The following CSRNP1 variants were observed in gnomAD, a reference collection of about 807,000 sequenced individuals.
The protein encoded by CSRNP1 is cysteine and serine rich nuclear protein 1.
In CSRNP1, 8 loss-of-function variants were observed where a neutral mutation model predicts 25.0. The ratio of observed to expected loss-of-function variants is 0.32; its 90% CI spans 0.19 to 0.58. CSRNP1 has a LOEUF of 0.58. Ranked by LOEUF, CSRNP1 falls within the 20% of genes least tolerant of loss-of-function variation. The pLI is 0.88. For synonymous variants in CSRNP1, 305 were observed against 303.1 expected (o/e 1.01, Z -0.06); for missense variants, 691 against 773.1 (o/e 0.89, Z 1.26).
In CSRNP1 at chr3:39,144,438, C is replaced by G. The variant is rs1314960923; in HGVS notation, c.479G>C (p.Gly160Ala). Residue 160 changes from glycine to alanine, a missense_variant, in exon 4 of 5, where the codon GGG becomes GCG. By Grantham distance (60) the Gly-to-Ala change is moderately conservative. Coordinates refer to ENST00000273153, the MANE Select transcript of CSRNP1 (RefSeq NM_033027.4). ...CAGCCCTGCCTCTGCCTGGGGTACC[C>G]CAGCTGCCGAAAGCTGCATCCACAG... ...EMLQWKLSAA[G>A]VPQAEAGLPP... 1 of 1,604,560 alleles carries G rather than the reference C, an allele frequency of 6.2e-7. No homozygotes were observed. Among genetic ancestry groups the G allele is most frequent in the Non-Finnish European group, 8.5e-7 (1 of 1,174,672 alleles).
Position 39,153,494 on chromosome 3 carries a change from GC to G in CSRNP1, c.-98del. On this transcript the variant is annotated 5_prime_UTR_variant, in exon 1 of 5. Transcript: ENST00000273153. ...CGCGACCCGCGTCCCGGCCGGGGAC[GC>G]CCCCTGCGCCGCGACTCTGTGCGCT... 3.1e-5 allele frequency: 9 copies of G among 293,118 alleles called. No individual in the cohort carries two copies. The highest frequency in any genetic ancestry group is 6.9e-5 in the South Asian group (3 of 43,678). 18.2% of individuals were successfully genotyped at this position (293,118 alleles called of 1,614,324 possible). A position where few individuals can be genotyped will look rare whatever the true frequency, so the allele number is the denominator to read the frequency against.
At chr3:39,149,302 T>G (rs2039554743) in intron 1 of CSRNP1, 1 of 152,068 alleles carries the variant, frequency 6.6e-6, no homozygotes. Flanking sequence ...AAGGACACCC[T>G]GGAGAGAGTC....
rs752976972 is a variant in CSRNP1, at chr3:39,144,497, T to A, written c.466-46A>T. ...GATGTAAGAAGCACAGACATGGACA[T>A]GGGCTTAGCCCTACTGTCACTAGAC... is the stretch of plus-strand genomic sequence containing the variant. On this transcript the variant is annotated intron_variant, in intron 3 of 4. Transcript: ENST00000273153. 14 of 1,544,692 alleles carry A rather than the reference T, an allele frequency of 9.1e-6. No homozygotes were observed. In the Admixed American group the frequency reaches 2.1e-4, roughly 23 times the overall value.
chr3:39,147,710 G>T (rs1360520036), intron 1 of CSRNP1, among the ~76,000 whole-genome samples: 1 of 152,012 alleles, frequency 6.6e-6, no homozygotes, highest in Non-Finnish European at 1.5e-5. Context: ...CAGCTGGCTG[G>T]CCTTATCCAA....
chr3:39,153,460 GGACAAC>G lies in CSRNP1; in HGVS notation c.-69_-64del, dbSNP rs2039612592. On this transcript the variant is annotated 5_prime_UTR_variant, in exon 1 of 5. Transcript: ENST00000273153. ...CACCTGCAATCCGGACGCTCGCGGA[GGACAAC>G]GACGCGACCCGCGTCCCGGCCGGGG... 1 of 328,062 alleles carries G rather than the reference GGACAAC, an allele frequency of 3.0e-6. No homozygotes were observed. The highest frequency in any genetic ancestry group is 3.6e-5 in the Admixed American group (1 of 27,718). 20.3% of individuals were successfully genotyped at this position (328,062 alleles called of 1,614,324 possible).
Position 39,146,596 on chromosome 3 carries a change from C to A in CSRNP1, c.87G>T (p.Gln29His). 6.4e-7 allele frequency: 1 copy of A among 1,567,004 alleles called. No individual in the cohort carries two copies. The highest frequency in any genetic ancestry group is 8.7e-7 in the Non-Finnish European group (1 of 1,155,422). ...VSSSSSSSGC[Q>H]SRSCSPSSSV... ...AAGAGCTTGGGGAGCAGGAGCGAGA[C>A]TGGCACCCAGAGGAAGAGGAGGAGG... Residue 29 changes from glutamine to histidine, a missense_variant, in exon 2 of 5, where the codon CAG becomes CAT. By Grantham distance (24) the Gln-to-His change is conservative. Transcript: ENST00000273153.
In CSRNP1 at chr3:39,142,742, T is replaced by A; in HGVS notation, c.*313A>T. On this transcript the variant is annotated 3_prime_UTR_variant, in exon 5 of 5. Coordinates refer to ENST00000273153, the MANE Select transcript of CSRNP1 (RefSeq NM_033027.4). ...GGAACATCACGCAAAGACCGAAAAG[T>A]GGTCTGCCAAGCTCCAGAGGAGCCA... The A allele has an allele frequency of 3.8e-6, 1 of 261,738 alleles. No individual in the cohort carries two copies. Among genetic ancestry groups the A allele is most frequent in the Non-Finnish European group, 7.3e-6 (1 of 136,662 alleles). The allele number at this position is 261,738 out of a possible 1,614,324, so 16.2% of individuals were successfully genotyped here. A position where few individuals can be genotyped will look rare whatever the true frequency, so the allele number is the denominator to read the frequency against.
intron 1 of CSRNP1, chr3:39,151,435 C>T (rs1575578895): frequency 6.5e-6 from 1 of 153,434 alleles, no homozygotes; most frequent in East Asian, 1.9e-4. Flanking sequence ...ACCAAGTAAC[C>T]AAAGGCTGTT....
chr3:39,143,295 A>C lies in CSRNP1; in HGVS notation c.1530T>G (p.Ala510=). Residue 510 remains alanine, a synonymous_variant, in exon 5 of 5, where the codon GCT becomes GCG. Coordinates refer to ENST00000273153, the MANE Select transcript of CSRNP1 (RefSeq NM_033027.4). The stretch of plus-strand genomic sequence containing the variant: ...GAGGCCCCAGACTATAATCTGGCAG[A>C]GCCTGGAGTAACTCAAAGGAGTCAC... The part of the protein sequence containing the change: ...SSCDSFELLQ[A]LPDYSLGPHY... 1 of 1,614,218 alleles carries C rather than the reference A, an allele frequency of 6.2e-7. No homozygotes were observed. Among genetic ancestry groups the C allele is most frequent in the Non-Finnish European group, 8.5e-7 (1 of 1,180,022 alleles).
intron 2 of CSRNP1, 61 bp downstream of exon 2, chr3:39,146,417 T>C: frequency 6.8e-7 from 1 of 1,475,426 alleles, no homozygotes; most frequent in African/African-American, 1.4e-5. Flanking sequence ...CAGGGACTTC[T>C]AAATTTCATC....
chr3:39,145,317 A>G, intron 2 of CSRNP1, 61 bp from the exon 3 acceptor site: 1 of 1,506,834 alleles, frequency 6.6e-7, no homozygotes. Flanking sequence ...CTTACCTCCA[A>G]AAAGATCATG....
rs569876264 is a variant in CSRNP1, at chr3:39,147,166, G to A, written c.-40-444C>T. ...CTCATTCCCCGACAGGAATCCTGGC[G>A]CTGACTCACAGGCTGGGTGATTCAC... On this transcript the variant is annotated intron_variant, in intron 1 of 4. Coordinates refer to ENST00000273153, the MANE Select transcript of CSRNP1 (RefSeq NM_033027.4). Among the ~76,000 whole-genome samples the A allele has an allele frequency of 2.0e-5, 3 of 152,168 alleles. No individual in the cohort carries two copies. In the East Asian group the frequency reaches 5.8e-4, roughly 29 times the overall value.
chr3:39,143,323 G>A lies in CSRNP1; in HGVS notation c.1502C>T (p.Ser501Phe). 1 of 1,614,186 alleles carries A rather than the reference G, an allele frequency of 6.2e-7. No homozygotes were observed. Among genetic ancestry groups the A allele is most frequent in the Non-Finnish European group, 8.5e-7 (1 of 1,180,028 alleles). Residue 501 changes from serine (S) to phenylalanine (F), a missense_variant, in exon 5 of 5, where the codon TCT (serine) becomes TTT (phenylalanine). Coordinates refer to ENST00000273153, the MANE Select transcript of CSRNP1 (RefSeq NM_033027.4). The stretch of plus-strand genomic sequence containing the variant: ...CTGGAGTAACTCAAAGGAGTCACAA[G>A]AAGACAAGCTGAGATCCACTGAGCT... ...RSSSVDLSLS[S>F]CDSFELLQAL... is the part of the protein sequence containing the mutation.
chr3:39,144,513 G>A (rs1337285973), intron 3 of CSRNP1, 62 bp from the exon 4 acceptor site: 2 of 1,487,916 alleles, frequency 1.3e-6, no homozygotes, highest in African/African-American at 2.8e-5. Context: ...TAGCCCTACT[G>A]TCACTAGACA....
In CSRNP1 at chr3:39,153,487, CG is replaced by C; in HGVS notation, c.-91del. The C allele has an allele frequency of 9.6e-6, 3 of 313,392 alleles. No homozygotes were observed. Among genetic ancestry groups the C allele is most frequent in the Non-Finnish European group, 1.3e-5 (2 of 148,892 alleles). 19.4% of individuals were successfully genotyped at this position (313,392 alleles called of 1,614,324 possible). A position where few individuals can be genotyped will look rare whatever the true frequency, so the allele number is the denominator to read the frequency against. On this transcript the variant is annotated 5_prime_UTR_variant, in exon 1 of 5. Coordinates refer to ENST00000273153, the MANE Select transcript of CSRNP1 (RefSeq NM_033027.4). ...ACAACGACGCGACCCGCGTCCCGGC[CG>C]GGGACGCCCCCTGCGCCGCGACTCT...
chr3:39,147,237 A>G (rs938204), intron 1 of CSRNP1, among the ~76,000 whole-genome samples: 4,283 of 113,908 alleles, frequency 0.038, 86 homozygotes, highest in Admixed American at 0.075. Context: ...GTGTGTGTGT[A>G]TGTGTGTGTG....
rs111692560 is a variant in CSRNP1, at chr3:39,143,019, C to A, written c.*36G>T. 1.8e-4 allele frequency: 281 copies of A among 1,523,916 alleles called. No individual in the cohort carries two copies. The African/African-American group carries it at 3.4e-3, about 18-fold the overall frequency. The allele number at this position is 1,523,916 out of a possible 1,614,324, so 94.4% of individuals were successfully genotyped here. Reference sequence around the variant, plus strand: ...CCCCATAATTACAAGAAAGCAGCAACAGGTCTCTTGGGGCTGGGAAAAGAC... The same window carrying A: ...CCCCATAATTACAAGAAAGCAGCAAAAGGTCTCTTGGGGCTGGGAAAAGAC... On this transcript the variant is annotated 3_prime_UTR_variant, in exon 5 of 5. Transcript: ENST00000273153.
chr3:39,144,949 C>G (rs756378294), intron 3 of CSRNP1, 48 bp downstream of exon 3: 3 of 1,555,632 alleles, frequency 1.9e-6, no homozygotes, highest in Non-Finnish European at 2.6e-6. Flanking sequence ...AAGGTTAGGA[C>G]TCCAGGAGCT....
rs1235095342 is a variant in CSRNP1 at position 39,143,821 on chromosome 3, G to A, written c.1004C>T (p.Ala335Val). The A allele has an allele frequency of 9.9e-6, 16 of 1,614,116 alleles. No homozygotes were observed. The highest frequency in any genetic ancestry group is 1.1e-5 in the Non-Finnish European group (13 of 1,180,042). The change falls in exon 5 of 5, where the codon GCC (alanine) becomes GTC (valine). Residue 335 changes from alanine (A) to valine (V), a missense_variant. Ala to Val is a moderately conservative substitution (Grantham distance 64). Transcript: ENST00000273153. ...EEALVPTFPL[A>V]KPPMNNELGD... ...CAGCTCATTGTTCATGGGGGGCTTG[G>A]CCAGTGGGAAAGTAGGGACCAGGGC...
Sources: allele counts gnomAD v4.1 joint callset (sites outside exome capture counted in the v4.1 genomes callset), GRCh38; gene constraint gnomAD v4.1.1; transcripts MANE v1.5; gene names NCBI Gene and HGNC (gene_info 2026-07-23, HGNC 2026-07-21).